KLF13: variants seen among roughly 807,000 people sequenced by gnomAD.
The protein encoded by KLF13 is KLF transcription factor 13.
Under a neutral mutation model 16.7 loss-of-function variants are expected in KLF13, and 8 were observed. The ratio of observed to expected loss-of-function variants is 0.48; its 90% CI spans 0.28 to 0.87. The LOEUF (loss-of-function observed/expected upper bound fraction) is 0.87. KLF13 is among the 40% of genes least tolerant of loss of function. KLF13 has a pLI of 0.10. For missense variants in KLF13, 447 were observed against 452.2 expected (o/e 0.99, Z 0.10); for synonymous variants, 245 against 208.4 (o/e 1.18, Z -1.51).
At chr15:31,413,480 A>T (rs4779526) in intron 1 of KLF13, among the ~76,000 whole-genome samples, 35,401 of 152,062 alleles carry the variant, frequency 0.23, 4,705 homozygotes, top group East Asian at 0.44. Context: ...GAGAAAAATG[A>T]CATATCCCTT....
chr15:31,362,070 C>T (rs1300649199), intron 1 of KLF13, among the ~76,000 whole-genome samples: 8 of 152,158 alleles, frequency 5.3e-5, no homozygotes, highest in Admixed American at 3.3e-4. Flanking sequence ...AGCTGCCATC[C>T]ACCTGGGCTA....
At chr15:31,432,083 G>A (rs2040479066) in intron 1 of KLF13, among the ~76,000 whole-genome samples, 1 of 152,172 alleles carries the variant, frequency 6.6e-6, no homozygotes, top group South Asian at 2.1e-4. Context: ...TTTTCTGGAT[G>A]TATGTTATAT....
intron 1 of KLF13, among the ~76,000 whole-genome samples, chr15:31,419,066 C>G (rs754278479): frequency 6.6e-6 from 1 of 152,166 alleles, no homozygotes; most frequent in African/African-American, 2.4e-5. Flanking sequence ...AAGATGCATA[C>G]AATCATGGTG....
chr15:31,344,823 G>T (rs960021742), intron 1 of KLF13, among the ~76,000 whole-genome samples: 7 of 152,310 alleles, frequency 4.6e-5, no homozygotes, highest in Admixed American at 4.6e-4. Context: ...GAGGGGTTTT[G>T]ACTTTGTCCT....
At chr15:31,408,436 T>C (rs1270169091), downstream of KLF13, among the ~76,000 whole-genome samples, 1 of 152,188 alleles carries the variant, frequency 6.6e-6, no homozygotes, top group Non-Finnish European at 1.5e-5. Flanking sequence ...AGTGTCATCC[T>C]TATGAGAAAG....
rs528871865 is a variant in KLF13 at position 31,344,108 on chromosome 15, A to G, written c.577+16319A>G. ...CAACCCCCTGGGACAAACACCTGCC[A>G]ATACTTAGCAGCTACCTCCTGCTAG... On this transcript the variant is annotated intron_variant, in intron 1 of 1. Transcript: ENST00000307145. Among the ~76,000 whole-genome samples the G allele has an allele frequency of 2.7e-3, 417 of 152,224 alleles. 1 individual carries two copies. Among genetic ancestry groups the G allele is most frequent in the African/African-American group, 9.6e-3 (397 of 41,520 alleles).
intron 1 of KLF13, among the ~76,000 whole-genome samples, chr15:31,355,124 G>C (rs987292748): frequency 5.3e-5 from 8 of 152,194 alleles, no homozygotes; most frequent in African/African-American, 1.9e-4. Context: ...CAGGACACAG[G>C]TGTTTATGAG....
At chr15:31,381,398 C>T (rs2039725022), downstream of KLF13, among the ~76,000 whole-genome samples, 2 of 152,162 alleles carry the variant, frequency 1.3e-5, no homozygotes, top group African/African-American at 4.8e-5. Context: ...TGGCTTGTGG[C>T]CTCCTCCACT....
Position 31,348,925 on chromosome 15 carries a change from A to G in KLF13, c.577+21136A>G, listed in dbSNP as rs188736404. On this transcript the variant is annotated intron_variant, in intron 1 of 1. Coordinates refer to ENST00000307145, the MANE Select transcript of KLF13 (RefSeq NM_015995.4). ...TAATGTCACATAGTAGAGGGAGCAAAGGGATTTTCTGGGGTCTCCTTTCTA... is the reference window on the plus strand; with the variant it reads ...TAATGTCACATAGTAGAGGGAGCAAGGGGATTTTCTGGGGTCTCCTTTCTA... Among the ~76,000 whole-genome samples the G allele has an allele frequency of 1.1e-3, 175 of 152,184 alleles. 1 individual carries two copies. Among genetic ancestry groups the G allele is most frequent in the African/African-American group, 4.0e-3 (168 of 41,518 alleles).
intron 1 of KLF13, among the ~76,000 whole-genome samples, chr15:31,432,485 G>A (rs957391585): frequency 1.1e-4 from 14 of 129,390 alleles, no homozygotes; most frequent in East Asian, 4.6e-4. Flanking sequence ...GTCTTACTCC[G>A]TTGCCCAGGC....
chr15:31,366,173 C>G (rs2039467983), intron 1 of KLF13: 1 of 60,578 alleles, frequency 1.7e-5, no homozygotes, highest in East Asian at 5.7e-4. Flanking sequence ...AGCCTGGTAC[C>G]CGAAGAGTCC....
At position 31,327,529 on chromosome 15, in the gene KLF13, C is replaced by T. The variant is rs1475284880; in HGVS notation, c.317C>T (p.Thr106Ile). ...CTGCCGCCGCCCGCCCCCGAGCCCA[C>T]CTCCCCCGGCGCCGAAGGCGCGGCG... is the stretch of plus-strand genomic sequence containing the variant. ...CRLPPPAPEPTSPGAEGAAAA... is the reference protein window; with the variant it reads ...CRLPPPAPEPISPGAEGAAAA... Residue 106 changes from threonine to isoleucine, a missense_variant, in exon 1 of 2, where the codon ACC becomes ATC. Coordinates refer to ENST00000307145, the MANE Select transcript of KLF13 (RefSeq NM_015995.4). The T allele has an allele frequency of 9.0e-7, 1 of 1,115,928 alleles. No homozygotes were observed. The highest frequency in any genetic ancestry group is 1.7e-5 in the African/African-American group (1 of 59,888). The allele number at this position is 1,115,928 out of a possible 1,614,324, so 69.1% of individuals were successfully genotyped here.
At chr15:31,429,996 G>C (rs79087789) in intron 1 of KLF13, among the ~76,000 whole-genome samples, 35,374 of 152,016 alleles carry the variant, frequency 0.23, 4,712 homozygotes, top group East Asian at 0.44. Context: ...GCCTCCCAAA[G>C]TGCTGGGATT....
At chr15:31,351,799 C>T (rs1175140653) in intron 1 of KLF13, among the ~76,000 whole-genome samples, 1 of 152,088 alleles carries the variant, frequency 6.6e-6, no homozygotes, top group Non-Finnish European at 1.5e-5. Flanking sequence ...ATCTTGAGGT[C>T]AGGAGTTCAA....
chr15:31,348,633 G>A (rs2039165443), intron 1 of KLF13, among the ~76,000 whole-genome samples: 1 of 151,892 alleles, frequency 6.6e-6, no homozygotes, highest in Non-Finnish European at 1.5e-5. Context: ...TTAGACCCTG[G>A]GGTCCTGACT....
At chr15:31,405,159 G>GA (rs553434929), downstream of KLF13, among the ~76,000 whole-genome samples, 197 of 152,270 alleles carry the variant, frequency 1.3e-3, no homozygotes, top group African/African-American at 4.7e-3. Flanking sequence ...TAGTGCCTTA[G>GA]AAAACAAGAG....
chr15:31,331,620 C>T (rs2038835427), intron 1 of KLF13, among the ~76,000 whole-genome samples: 1 of 152,184 alleles, frequency 6.6e-6, no homozygotes, highest in African/African-American at 2.4e-5. Context: ...TGTTGGTGGC[C>T]TGTGCTTTGT....
intron 1 of KLF13, among the ~76,000 whole-genome samples, chr15:31,352,098 G>A (rs1239062997): frequency 6.6e-6 from 1 of 152,154 alleles, no homozygotes; most frequent in African/African-American, 2.4e-5. Flanking sequence ...CAAAAAAAGG[G>A]TTTTGCAGTG....
At chr15:31,365,630 C>T (rs891053786) in intron 1 of KLF13, among the ~76,000 whole-genome samples, 2 of 151,520 alleles carry the variant, frequency 1.3e-5, no homozygotes, top group African/African-American at 4.9e-5. Context: ...GGCCCACTCA[C>T]CTGTGGGGGG....
Sources: allele counts gnomAD v4.1 joint callset (sites outside exome capture counted in the v4.1 genomes callset), GRCh38; gene constraint gnomAD v4.1.1; transcripts MANE v1.5; gene names NCBI Gene and HGNC (gene_info 2026-07-23, HGNC 2026-07-21).